RAI14: variants seen among roughly 807,000 people sequenced by gnomAD.
RAI14 encodes the protein retinoic acid induced 14.
A neutral mutation model predicts 115.4 loss-of-function variants in RAI14; 45 were observed. The observed-to-expected ratio is 0.39, with a 90% CI of 0.31 to 0.50. RAI14 has a LOEUF of 0.50. RAI14 is among the 20% of genes least tolerant of loss of function. The pLI, the probability that RAI14 is intolerant of heterozygous loss-of-function variation, is 0.85. For missense variants in RAI14, 939 were observed against 1,131.2 expected (o/e 0.83, Z 2.44); for synonymous variants, 371 against 415.4 (o/e 0.89, Z 1.30).
intron 2 of RAI14, among the ~76,000 whole-genome samples, chr5:34,722,848 T>G (rs1467057743): frequency 6.6e-6 from 1 of 151,280 alleles, no homozygotes; most frequent in East Asian, 1.9e-4. Context: ...GGTGGGCAGA[T>G]CACTGGAGGT....
At chr5:34,698,681 A>G (rs547748703) in intron 2 of RAI14, among the ~76,000 whole-genome samples, 7 of 152,286 alleles carry the variant, frequency 4.6e-5, no homozygotes, top group African/African-American at 1.7e-4. Flanking sequence ...ATACATGGGC[A>G]AATAACAGAA....
intron 2 of RAI14, among the ~76,000 whole-genome samples, chr5:34,728,830 G>A (rs925243188): frequency 2.6e-5 from 4 of 152,146 alleles, no homozygotes; most frequent in African/African-American, 9.7e-5. Context: ...TGAGGCTGGG[G>A]AGGAGCTCTT....
intron 13 of RAI14, 125 bp from the exon 14 acceptor site, chr5:34,821,607 G>T: frequency 1.6e-6 from 1 of 629,888 alleles, no homozygotes; most frequent in Non-Finnish European, 2.8e-6. Context: ...CCATCCAGCT[G>T]CTAGGGCGTT....
At chr5:34,663,798 A>G (rs563957632) in intron 1 of RAI14, among the ~76,000 whole-genome samples, 23 of 152,314 alleles carry the variant, frequency 1.5e-4, no homozygotes, top group African/African-American at 5.5e-4. Context: ...ATCAGCAACA[A>G]AGTGCGAAGT....
chr5:34,734,483 A>G (rs748321261), intron 2 of RAI14, among the ~76,000 whole-genome samples: 2 of 152,234 alleles, frequency 1.3e-5, no homozygotes, highest in Admixed American at 6.5e-5. Flanking sequence ...AATAGAAGAC[A>G]TACCAAGGCT....
At chr5:34,788,403 G>A (rs1752564259) in intron 3 of RAI14, among the ~76,000 whole-genome samples, 1 of 152,100 alleles carries the variant, frequency 6.6e-6, no homozygotes, top group African/African-American at 2.4e-5. Flanking sequence ...TTCCAAGGAT[G>A]GGGTGCAAAA....
chr5:34,663,924 A>G (rs1742903405), intron 1 of RAI14, among the ~76,000 whole-genome samples: 1 of 152,194 alleles, frequency 6.6e-6, no homozygotes, highest in Non-Finnish European at 1.5e-5. Flanking sequence ...GTGTCACCTC[A>G]TCTAACCTTA....
intron 3 of RAI14, among the ~76,000 whole-genome samples, chr5:34,761,459 A>G (rs767116324): frequency 6.6e-6 from 1 of 152,182 alleles, no homozygotes; most frequent in Non-Finnish European, 1.5e-5. Context: ...GATTACAGGC[A>G]TGAGCCACCA....
At chr5:34,752,104 G>A (rs1429582848) in intron 2 of RAI14, among the ~76,000 whole-genome samples, 3 of 152,136 alleles carry the variant, frequency 2.0e-5, no homozygotes, top group African/African-American at 4.8e-5. Flanking sequence ...CACCCTGATT[G>A]AATTTATAAG....
rs1437026345 is a variant in RAI14 at position 34,831,881 on chromosome 5, C to T, written c.*1116C>T. 6.6e-6 allele frequency: 1 copy of T among 152,080 alleles called. No individual in the cohort carries two copies. Among genetic ancestry groups the T allele is most frequent in the Non-Finnish European group, 1.5e-5 (1 of 68,024 alleles). The allele number at this position is 152,080 out of a possible 1,614,324, so 9.4% of individuals were successfully genotyped here. A position where few individuals can be genotyped will look rare whatever the true frequency, so the allele number is the denominator to read the frequency against. ...TGAATCTAGCAAATCCTCCTTTTAC[C>T]CGTTGAATGTTTTGAATGCCCTGAC... On this transcript the variant is annotated 3_prime_UTR_variant, in exon 18 of 18. Transcript: ENST00000265109.
intron 1 of RAI14, among the ~76,000 whole-genome samples, chr5:34,686,142 G>C (rs1044283344): frequency 2.0e-5 from 3 of 152,188 alleles, no homozygotes; most frequent in African/African-American, 7.2e-5. Context: ...GAGGTGGATG[G>C]CATGATTGCA....
intron 1 of RAI14, among the ~76,000 whole-genome samples, chr5:34,665,787 C>T (rs541858199): frequency 2.8e-4 from 42 of 152,276 alleles, no homozygotes; most frequent in African/African-American, 1.0e-3. Flanking sequence ...AATACAATTA[C>T]AAGGGCTCTA....
At chr5:34,716,130 A>G in intron 2 of RAI14, 1 of 428,306 alleles carries the variant, frequency 2.3e-6, no homozygotes, top group Admixed American at 3.0e-5. Context: ...GTGGCAAAAG[A>G]CAAGGCAAAT....
At chr5:34,737,833 A>G (rs1383030069) in intron 2 of RAI14, among the ~76,000 whole-genome samples, 1 of 152,204 alleles carries the variant, frequency 6.6e-6, no homozygotes, top group East Asian at 1.9e-4. Context: ...TGCTTCCAAC[A>G]CATTTTAAAT....
At chr5:34,673,863 C>G (rs1743790086) in intron 1 of RAI14, among the ~76,000 whole-genome samples, 1 of 152,174 alleles carries the variant, frequency 6.6e-6, no homozygotes. Context: ...TACCTCCCCT[C>G]CCCCAACTCT....
At chr5:34,749,266 G>A (rs2150068224) in intron 2 of RAI14, among the ~76,000 whole-genome samples, 1 of 152,326 alleles carries the variant, frequency 6.6e-6, no homozygotes, top group South Asian at 2.1e-4. Context: ...CACAGAACAA[G>A]AGCATTCTAA....
chr5:34,687,744 C>T, intron 2 of RAI14: 1 of 1,549,502 alleles, frequency 6.5e-7, no homozygotes, highest in Non-Finnish European at 8.7e-7. Context: ...TCAAAATGGG[C>T]TTGTTCAGCT....
intron 3 of RAI14, among the ~76,000 whole-genome samples, chr5:34,764,957 A>G (rs1348471180): frequency 1.3e-5 from 2 of 152,130 alleles, no homozygotes; most frequent in Non-Finnish European, 2.9e-5. Flanking sequence ...TCCTGGGGGC[A>G]GTTTCCCCCA....
intron 1 of RAI14, among the ~76,000 whole-genome samples, chr5:34,659,274 T>G (rs747660647): frequency 4.6e-5 from 7 of 152,194 alleles, no homozygotes; most frequent in Non-Finnish European, 8.8e-5. Flanking sequence ...GGTTTTTCAC[T>G]GTTTTTTGTT....
Sources: gnomAD v4.1 joint callset for allele counts (sites outside exome capture counted in the v4.1 genomes callset) on GRCh38, gnomAD v4.1.1 for gene constraint, MANE v1.5 for transcripts, NCBI Gene and HGNC (gene_info 2026-07-23, HGNC 2026-07-21) for gene names.